The following IL1RAPL1 variants were observed in gnomAD, a reference collection of about 807,000 sequenced individuals.
The protein encoded by IL1RAPL1 is interleukin 1 receptor accessory protein like 1.
Under a neutral mutation model 48.4 loss-of-function variants are expected in IL1RAPL1, and 3 were observed. The ratio of observed to expected loss-of-function variants is 0.06; its 90% CI spans 0.03 to 0.16. The LOEUF (loss-of-function observed/expected upper bound fraction) is 0.16, where lower values mean the gene tolerates loss of function less well. Ranked by LOEUF, IL1RAPL1 falls within the 10% of genes least tolerant of loss-of-function variation. IL1RAPL1 has a pLI of 1.00. For synonymous variants in IL1RAPL1, 185 were observed against 187.7 expected (o/e 0.99, Z 0.12); for missense variants, 349 against 530.6 (o/e 0.66, Z 3.36).
intron 6 of IL1RAPL1, among the ~76,000 whole-genome samples, chrX:29,861,254 G>C (rs1004937197): frequency 4.5e-5 from 5 of 111,604 alleles, no homozygotes; most frequent in Admixed American, 1.9e-4. Context: ...CTTCATCTTA[G>C]GAATAGGATA....
intron 1 of IL1RAPL1, among the ~76,000 whole-genome samples, chrX:28,706,823 T>C (rs1003479908): frequency 2.7e-5 from 3 of 112,196 alleles, no homozygotes; most frequent in African/African-American, 9.7e-5. Flanking sequence ...GAAGTATCTG[T>C]TAAGTGTTTT....
At chrX:29,116,507 A>G (rs898698081) in intron 2 of IL1RAPL1, among the ~76,000 whole-genome samples, 196 of 111,910 alleles carry the variant, frequency 1.8e-3, no homozygotes, top group African/African-American at 6.1e-3. Flanking sequence ...AAAAATAAGA[A>G]TGAGATTTTT....
intron 3 of IL1RAPL1, among the ~76,000 whole-genome samples, chrX:29,348,177 G>A (rs189650995): frequency 1.6e-3 from 184 of 112,096 alleles, no homozygotes; most frequent in Admixed American, 3.6e-3. Flanking sequence ...AAACAAAGTG[G>A]TATAAAGTAT....
chrX:29,399,821 GAA>G (rs113185068), intron 5 of IL1RAPL1, among the ~76,000 whole-genome samples: 10 of 73,707 alleles, frequency 1.4e-4, no homozygotes, highest in Admixed American at 2.8e-4. Context: ...CGAAGTCTCA[GAA>G]AAAAAAAAAA....
At chrX:28,667,540 C>G (rs1409115580) in intron 1 of IL1RAPL1, among the ~76,000 whole-genome samples, 22 of 111,904 alleles carry the variant, frequency 2.0e-4, no homozygotes, top group Admixed American at 1.8e-3. Flanking sequence ...TCGCCTCATG[C>G]TAGTAACTCC....
intron 2 of IL1RAPL1, among the ~76,000 whole-genome samples, chrX:29,143,424 G>A (rs1197220300): frequency 8.9e-6 from 1 of 111,932 alleles, no homozygotes; most frequent in Non-Finnish European, 1.9e-5. Context: ...GCTTTCTATG[G>A]TTTCAGTTAC....
intron 2 of IL1RAPL1, among the ~76,000 whole-genome samples, chrX:28,819,733 A>C (rs1323100403): frequency 9.3e-6 from 1 of 108,063 alleles, no homozygotes; most frequent in African/African-American, 3.3e-5. Flanking sequence ...CCTAGGATGC[A>C]GGTTACTTTT....
chrX:29,797,879 A>G (rs1172839784), intron 6 of IL1RAPL1, among the ~76,000 whole-genome samples: 1 of 111,110 alleles, frequency 9.0e-6, no homozygotes, highest in Non-Finnish European at 1.9e-5. Context: ...TCTCAAAAAC[A>G]AAACAAAACA....
At chrX:29,380,556 C>T (rs1933683952) in intron 3 of IL1RAPL1, among the ~76,000 whole-genome samples, 1 of 112,297 alleles carries the variant, frequency 8.9e-6, no homozygotes, top group Admixed American at 9.4e-5. Flanking sequence ...GGTCCAATTC[C>T]TATGGATAAC....
At chrX:29,383,142 C>T (rs905476509) in intron 3 of IL1RAPL1, among the ~76,000 whole-genome samples, 2 of 112,145 alleles carry the variant, frequency 1.8e-5, no homozygotes, top group African/African-American at 6.5e-5. Context: ...AGTGCTAATA[C>T]ATCACTGCAA....
At chrX:29,179,130 A>G (rs753951877) in intron 2 of IL1RAPL1, among the ~76,000 whole-genome samples, 1 of 110,728 alleles carries the variant, frequency 9.0e-6, no homozygotes, top group South Asian at 3.9e-4. Context: ...CAATTCTGTG[A>G]AGGAAGTCAT....
intron 3 of IL1RAPL1, among the ~76,000 whole-genome samples, chrX:29,287,730 G>A (rs1324554098): frequency 1.8e-5 from 2 of 111,950 alleles, no homozygotes; most frequent in Non-Finnish European, 3.8e-5. Context: ...CCATATTTTT[G>A]TACATTTTAT....
rs186572029 is a variant in IL1RAPL1 at position 28,958,822 on chromosome X, G to A, written c.82+169397G>A. On this transcript the variant is annotated intron_variant, in intron 2 of 10. Transcript: ENST00000378993. ...ACAGCTCTAATTACAATTTGTATTG[G>A]ACATTGATTCTAATAATCCATAATA... Among the ~76,000 whole-genome samples the A allele has an allele frequency of 4.8e-3, 531 of 111,001 alleles. 6 individuals are homozygous for A. The highest frequency in any genetic ancestry group is 0.016 in the African/African-American group (504 of 30,569).
At chrX:29,338,465 A>G (rs1221184504) in intron 3 of IL1RAPL1, among the ~76,000 whole-genome samples, 1 of 112,450 alleles carries the variant, frequency 8.9e-6, no homozygotes, top group Non-Finnish European at 1.9e-5. Flanking sequence ...TGGCTGAAAG[A>G]AAAGCTCATG....
intron 5 of IL1RAPL1, among the ~76,000 whole-genome samples, chrX:29,628,603 A>G (rs1924681543): frequency 8.9e-6 from 1 of 111,940 alleles, no homozygotes; most frequent in Non-Finnish European, 1.9e-5. Context: ...ATTTATAGGC[A>G]TGATACCCAG....
At chrX:29,178,553 C>G (rs1229901341) in intron 2 of IL1RAPL1, among the ~76,000 whole-genome samples, 2 of 111,560 alleles carry the variant, frequency 1.8e-5, no homozygotes, top group African/African-American at 6.5e-5. Context: ...GTTGCCTGTT[C>G]ACTCTGATGG....
At chrX:29,081,020 C>CTCTCTCTCTCTCTTTCT (rs1555960745) in intron 2 of IL1RAPL1, among the ~76,000 whole-genome samples, 6 of 41,907 alleles carry the variant, frequency 1.4e-4, no homozygotes, top group Non-Finnish European at 2.2e-4. Flanking sequence ...CTCTCTCTCT[C>CTCTCTCTCTCTCTTTCT]TTTCTTTTCT....
chrX:29,835,670 C>T (rs1930977531), intron 6 of IL1RAPL1, among the ~76,000 whole-genome samples: 1 of 111,255 alleles, frequency 9.0e-6, no homozygotes, highest in African/African-American at 3.3e-5. Flanking sequence ...CATTTTACTA[C>T]TGATTCAATT....
At chrX:29,653,932 A>C (rs868677516) in intron 5 of IL1RAPL1, among the ~76,000 whole-genome samples, 1 of 101,865 alleles carries the variant, frequency 9.8e-6, no homozygotes, top group Non-Finnish European at 2.0e-5. Flanking sequence ...TTATTTATTT[A>C]TTTATTTATT....
Sources: allele counts gnomAD v4.1 joint callset (sites outside exome capture counted in the v4.1 genomes callset), GRCh38; gene constraint gnomAD v4.1.1; transcripts MANE v1.5; gene names NCBI Gene and HGNC (gene_info 2026-07-23, HGNC 2026-07-21).